Variants in NOL4 observed in about 807,000 individuals in gnomAD.
NOL4 encodes nucleolar protein 4, also known as cancer/testis antigen 125.
A neutral mutation model predicts 75.9 loss-of-function variants in NOL4; 17 were observed. That is an observed-to-expected ratio of 0.22 (90% CI 0.15 to 0.34). The LOEUF (loss-of-function observed/expected upper bound fraction) is 0.34. Among genes scored for constraint, NOL4 ranks in the 10% least tolerant of loss-of-function variants. NOL4 has a pLI of 1.00. For synonymous variants in NOL4, 292 were observed against 289.9 expected (o/e 1.01, Z -0.07); for missense variants, 614 against 793.5 (o/e 0.77, Z 2.72).
chr18:34,160,140 A>G (rs76646162), intron 1 of NOL4, among the ~76,000 whole-genome samples: 5,327 of 152,272 alleles, frequency 0.035, 98 homozygotes, highest in Middle Eastern at 0.048. Flanking sequence ...CTCGCTTTCC[A>G]ATATATCAAA....
chr18:33,856,484 TTAC>T (rs1298789638), intron 10 of NOL4, among the ~76,000 whole-genome samples: 1 of 152,010 alleles, frequency 6.6e-6, no homozygotes, highest in Non-Finnish European at 1.5e-5. Context: ...CATGTTTGCT[TTAC>T]CACTAAATAT....
intron 6 of NOL4, among the ~76,000 whole-genome samples, chr18:34,016,660 G>C (rs1322871289): frequency 1.3e-5 from 2 of 151,904 alleles, no homozygotes; most frequent in Admixed American, 6.6e-5. Context: ...TCTCTCTTTA[G>C]AGTTTTCCTG....
intron 6 of NOL4, among the ~76,000 whole-genome samples, chr18:33,960,151 T>A (rs1324049786): frequency 6.6e-6 from 1 of 152,106 alleles, no homozygotes; most frequent in Non-Finnish European, 1.5e-5. Flanking sequence ...GTAAGAAGAA[T>A]TATCACTTGC....
At chr18:34,058,173 A>G (rs961041903) in intron 5 of NOL4, among the ~76,000 whole-genome samples, 2 of 151,934 alleles carry the variant, frequency 1.3e-5, no homozygotes, top group Non-Finnish European at 2.9e-5. Context: ...TCACTCTGTC[A>G]CCCAGGCTGG....
At chr18:34,025,427 A>T (rs1199265586) in intron 5 of NOL4, among the ~76,000 whole-genome samples, 1 of 152,160 alleles carries the variant, frequency 6.6e-6, no homozygotes, top group Non-Finnish European at 1.5e-5. Flanking sequence ...TCATATAAGC[A>T]TTCACATGTG....
rs77184704 is a variant in NOL4, at chr18:34,099,630, G to A, written c.639+4417C>T. On this transcript the variant is annotated intron_variant, in intron 4 of 10. Transcript: ENST00000261592. Reference sequence around the variant, plus strand: ...TTGCTCTAGTATTGCATGTATTCTAGTATTCCGATGAAATTTCTATCCCAC... The same window carrying A: ...TTGCTCTAGTATTGCATGTATTCTAATATTCCGATGAAATTTCTATCCCAC... Among the ~76,000 whole-genome samples, 549 of 152,078 alleles carry A rather than the reference G, an allele frequency of 3.6e-3. 3 individuals are homozygous for A. The highest frequency in any genetic ancestry group is 0.013 in the African/African-American group (532 of 41,494).
At chr18:34,107,942 C>T (rs948492746) in intron 2 of NOL4, among the ~76,000 whole-genome samples, 19 of 152,062 alleles carry the variant, frequency 1.2e-4, no homozygotes, top group African/African-American at 3.9e-4. Context: ...GTAGAAAAGA[C>T]GGTTTCACAT....
rs912958059 is a variant in NOL4, at chr18:33,907,772, T to C, written c.1543-24348A>G. On this transcript the variant is annotated intron_variant, in intron 9 of 10. Transcript: ENST00000261592. Reference sequence around the variant, plus strand: ...ATTTGTGACACATAAAGGAGCTTTATAAAGGGATTTAATTCATGTCTGGTA... The same window carrying C: ...ATTTGTGACACATAAAGGAGCTTTACAAAGGGATTTAATTCATGTCTGGTA... Among the ~76,000 whole-genome samples, 5 of 152,174 alleles carry C rather than the reference T, an allele frequency of 3.3e-5. No homozygotes were observed. In the South Asian group the frequency reaches 8.3e-4, roughly 25 times the overall value.
intron 1 of NOL4, among the ~76,000 whole-genome samples, chr18:34,141,934 C>A (rs1260735321): frequency 6.6e-6 from 1 of 152,088 alleles, no homozygotes; most frequent in Non-Finnish European, 1.5e-5. Flanking sequence ...ATCTACTCAT[C>A]TGACAAAGGG....
chr18:33,938,455 C>G (rs1056632234), intron 9 of NOL4, among the ~76,000 whole-genome samples: 6 of 152,090 alleles, frequency 3.9e-5, no homozygotes, highest in Admixed American at 1.3e-4. Flanking sequence ...TGTTTCCTGA[C>G]TTTTTAATGA....
intron 2 of NOL4, among the ~76,000 whole-genome samples, chr18:34,107,496 T>C (rs1449970356): frequency 6.6e-6 from 1 of 152,036 alleles, no homozygotes; most frequent in African/African-American, 2.4e-5. Context: ...TTAGAATTCA[T>C]GTTATAGGGA....
chr18:34,098,819 C>T (rs2078908153), intron 4 of NOL4, among the ~76,000 whole-genome samples: 1 of 152,036 alleles, frequency 6.6e-6, no homozygotes, highest in African/African-American at 2.4e-5. Flanking sequence ...TTCTCTCTAC[C>T]AGTTTAATCA....
chr18:34,019,435 C>T lies in NOL4; in HGVS notation c.939G>A (p.Ala313=), dbSNP rs35995708. ...CTATTCTGTATTCCGAAGTTAGCTG[C>T]GCAGAGAGGGGACTGTCACTCAGGT... is the stretch of plus-strand genomic sequence containing the variant. ...PLNLSDSPLS[A]QLTSEYRIDD... is the part of the protein sequence containing the mutation. Residue 313 remains alanine (A), a synonymous_variant, in exon 6 of 11, where the codon GCG becomes GCA. Coordinates refer to ENST00000261592, the MANE Select transcript of NOL4 (RefSeq NM_003787.5). 33 of 1,613,782 alleles carry T rather than the reference C, an allele frequency of 2.0e-5. No individual in the cohort carries two copies. The highest frequency in any genetic ancestry group is 1.6e-4 in the African/African-American group (12 of 74,842).
intron 5 of NOL4, among the ~76,000 whole-genome samples, chr18:34,069,210 A>T (rs561079900): frequency 2.4e-4 from 37 of 152,198 alleles, no homozygotes; most frequent in Non-Finnish European, 4.0e-4. Flanking sequence ...AGAAAACACC[A>T]AATGGAAATT....
chr18:34,098,483 A>T (rs2078893832), intron 4 of NOL4, among the ~76,000 whole-genome samples: 1 of 152,170 alleles, frequency 6.6e-6, no homozygotes, highest in African/African-American at 2.4e-5. Flanking sequence ...TACCAATTGA[A>T]TGTCACTGAG....
chr18:34,127,029 G>C (rs1381765519), intron 2 of NOL4, among the ~76,000 whole-genome samples: 1 of 151,460 alleles, frequency 6.6e-6, no homozygotes, highest in Non-Finnish European at 1.5e-5. Context: ...ATTCAATAAT[G>C]ATTGAAAAAA....
chr18:34,031,712 T>C (rs902226301), intron 5 of NOL4, among the ~76,000 whole-genome samples: 6 of 152,212 alleles, frequency 3.9e-5, no homozygotes, highest in African/African-American at 1.4e-4. Context: ...AAGAGAGGCA[T>C]CTGCTCACCT....
intron 2 of NOL4, among the ~76,000 whole-genome samples, chr18:34,107,059 T>A (rs932670840): frequency 2.0e-5 from 3 of 152,146 alleles, no homozygotes; most frequent in Non-Finnish European, 4.4e-5. Flanking sequence ...GTGCTGGAGT[T>A]GGAGAGACAC....
At chr18:33,983,310 A>G (rs1255104068) in intron 6 of NOL4, among the ~76,000 whole-genome samples, 2 of 152,088 alleles carry the variant, frequency 1.3e-5, no homozygotes, top group Non-Finnish European at 2.9e-5. Flanking sequence ...ACTGAGCATG[A>G]ACCCTAATGT....
Sources: allele counts gnomAD v4.1 joint callset (sites outside exome capture counted in the v4.1 genomes callset), GRCh38; gene constraint gnomAD v4.1.1; transcripts MANE v1.5; gene names NCBI Gene and HGNC (gene_info 2026-07-23, HGNC 2026-07-21).